The following RTCA variants were observed in gnomAD, a reference collection of about 807,000 sequenced individuals.
RTCA encodes the protein RNA terminal phosphate cyclase domain 1.
Under a neutral mutation model 46.1 loss-of-function variants are expected in RTCA, and 37 were observed. The ratio of observed to expected loss-of-function variants is 0.80; its 90% CI spans 0.62 to 1.06. The LOEUF (loss-of-function observed/expected upper bound fraction) is 1.06, where lower values mean the gene tolerates loss of function less well. Ranked by LOEUF, RTCA falls within the 50% of genes least tolerant of loss-of-function variation. RTCA has a pLI of 0.00. For missense variants in RTCA, 435 were observed against 455.5 expected (o/e 0.95, Z 0.41); for synonymous variants, 164 against 158.3 (o/e 1.04, Z -0.27).
intron 3 of RTCA, among the ~76,000 whole-genome samples, chr1:100,269,342 G>A (rs1266356182): frequency 6.7e-6 from 1 of 148,456 alleles, no homozygotes; most frequent in African/African-American, 2.5e-5. Context: ...AACTTCCCAT[G>A]TGAAATATTT....
At chr1:100,284,674 G>A (rs1361133448) in intron 8 of RTCA, among the ~76,000 whole-genome samples, 2 of 152,178 alleles carry the variant, frequency 1.3e-5, no homozygotes, top group South Asian at 4.1e-4. Flanking sequence ...GATTACAGGC[G>A]TGAGCCACCG....
Position 100,291,404 on chromosome 1 carries a change from C to T in RTCA, c.1001C>T (p.Ala334Val). 1 of 1,601,120 alleles carries T rather than the reference C, an allele frequency of 6.2e-7. No homozygotes were observed. ...TATATACTCCTCTTCTGATTTCAGG[C>T]TAAATTTATTGTGAAGAAATCAGAA... is the stretch of plus-strand genomic sequence containing the variant. Reference protein sequence around the residue: ...AIHFAEQIAKAKFIVKKSEDE... With the variant: ...AIHFAEQIAKVKFIVKKSEDE... Residue 334 changes from alanine to valine, a missense_variant and splice_region_variant, in exon 11 of 11, where the codon GCT (alanine) becomes GTT (valine). By Grantham distance (64) the Ala-to-Val change is moderately conservative (BLOSUM62 0). Transcript: ENST00000370128.
At chr1:100,280,428 A>G (rs1005446268) in intron 8 of RTCA, among the ~76,000 whole-genome samples, 26 of 152,300 alleles carry the variant, frequency 1.7e-4, no homozygotes, top group African/African-American at 6.3e-4. Flanking sequence ...TAGTTTTTGG[A>G]TAAAACACTT....
intron 4 of RTCA, among the ~76,000 whole-genome samples, chr1:100,271,338 ATGG>A (rs967326663): frequency 1.3e-5 from 2 of 152,030 alleles, no homozygotes; most frequent in Non-Finnish European, 2.9e-5. Flanking sequence ...TTAGCCAGGC[ATGG>A]TGGTGCACAC....
chr1:100,273,233 T>A (rs1570877543), intron 4 of RTCA, among the ~76,000 whole-genome samples, 161 bp from the exon 5 acceptor site: 2 of 152,210 alleles, frequency 1.3e-5, no homozygotes, highest in Non-Finnish European at 1.5e-5. Flanking sequence ...ACATATCAGT[T>A]TTTTTATTTG....
chr1:100,288,968 G>A (rs773722977), intron 10 of RTCA, among the ~76,000 whole-genome samples: 8 of 151,992 alleles, frequency 5.3e-5, no homozygotes, highest in Non-Finnish European at 8.8e-5. Context: ...GATTACAGGC[G>A]TGTGCCACCA....
chr1:100,275,550 C>A (rs1666322614), intron 6 of RTCA, 49 bp from the exon 7 acceptor site: 3 of 1,467,900 alleles, frequency 2.0e-6, no homozygotes, highest in Non-Finnish European at 2.8e-6. Context: ...AACAATTTTC[C>A]AAATAATCAG....
intron 2 of RTCA, chr1:100,267,165 G>C: frequency 7.3e-6 from 2 of 272,458 alleles, no homozygotes; most frequent in South Asian, 2.5e-4. Context: ...TGTCTGGGTA[G>C]CTGGGCATGC....
chr1:100,286,195 G>T (rs1450560428), intron 9 of RTCA, among the ~76,000 whole-genome samples: 1 of 152,082 alleles, frequency 6.6e-6, no homozygotes, highest in Non-Finnish European at 1.5e-5. Flanking sequence ...GCTCAAGCCT[G>T]TAATCCCAGC....
chr1:100,269,578 C>T (rs1177337567), intron 3 of RTCA, among the ~76,000 whole-genome samples: 1 of 152,104 alleles, frequency 6.6e-6, no homozygotes, highest in Non-Finnish European at 1.5e-5. Flanking sequence ...GAGTGATCAT[C>T]CCACCTCTGT....
chr1:100,284,066 A>G (rs1170447848), intron 8 of RTCA, among the ~76,000 whole-genome samples: 3 of 152,028 alleles, frequency 2.0e-5, no homozygotes, highest in Non-Finnish European at 4.4e-5. Context: ...ATAAAATAGA[A>G]ACAAAACTAA....
At chr1:100,286,306 T>C (rs1667022212) in intron 9 of RTCA, among the ~76,000 whole-genome samples, 1 of 151,610 alleles carries the variant, frequency 6.6e-6, no homozygotes, top group African/African-American at 2.4e-5. Flanking sequence ...TACAAAAAAT[T>C]AGCCGGGCGT....
rs1666446009 is a variant in RTCA at position 100,277,288 on chromosome 1, G to C, written c.771G>C (p.Leu257Phe). Residue 257 changes from leucine (L) to phenylalanine (F), a missense_variant, in exon 8 of 11, where the codon TTG becomes TTC. Physicochemically the swap from Leu to Phe is conservative, Grantham distance 22 (BLOSUM62 0). Coordinates refer to ENST00000370128, the MANE Select transcript of RTCA (RefSeq NM_003729.4). ...TTGCTGAGACCTCCACTGGCTGTTT[G>C]TTTGCTGGATCATCGCTTGGTAAAC... is the stretch of plus-strand genomic sequence containing the variant. ...IIIAETSTGCLFAGSSLGKRG... is the reference protein window; with the variant it reads ...IIIAETSTGCFFAGSSLGKRG... The C allele has an allele frequency of 4.3e-6, 7 of 1,612,340 alleles. No individual in the cohort carries two copies. Among genetic ancestry groups the C allele is most frequent in the Non-Finnish European group, 5.9e-6 (7 of 1,179,370 alleles).
chr1:100,275,768 T>C (rs1286877563), intron 7 of RTCA, 45 bp downstream of exon 7: 4 of 1,491,746 alleles, frequency 2.7e-6, no homozygotes, highest in Non-Finnish European at 2.7e-6. Context: ...AACCCTAAAA[T>C]AGTTATCTAA....
At position 100,268,280 on chromosome 1, in the gene RTCA, A is replaced by T. The variant is rs759214747; in HGVS notation, c.275A>T (p.Asp92Val). ...ATCAAAGGTGGAATCCACACAGCAGATACCAAGACAGCAGGGTATGTATCA... is the reference window on the plus strand; with the variant it reads ...ATCAAAGGTGGAATCCACACAGCAGTTACCAAGACAGCAGGGTATGTATCA... ...EKIKGGIHTA[D>V]TKTAGSVCLL... The change falls in exon 3 of 11, where the codon GAT becomes GTT. Residue 92 changes from aspartate to valine, a missense_variant. Transcript: ENST00000370128. The T allele has an allele frequency of 3.3e-5, 53 of 1,612,674 alleles. No homozygotes were observed. Among genetic ancestry groups the T allele is most frequent in the Non-Finnish European group, 3.4e-5 (40 of 1,179,262 alleles).
chr1:100,285,390 A>C (rs1666967116), intron 9 of RTCA, 68 bp downstream of exon 9: 1 of 1,031,998 alleles, frequency 9.7e-7, no homozygotes, highest in Non-Finnish European at 1.5e-6. Flanking sequence ...ATTGAATATC[A>C]ATTTAAATAA....
intron 8 of RTCA, among the ~76,000 whole-genome samples, chr1:100,278,956 A>G (rs1349739344): frequency 6.6e-6 from 1 of 152,232 alleles, no homozygotes; most frequent in Non-Finnish European, 1.5e-5. Flanking sequence ...CAAACTTTCC[A>G]GGTACTTTTA....
intron 9 of RTCA, among the ~76,000 whole-genome samples, chr1:100,286,435 G>T (rs1391551804): frequency 7.9e-6 from 1 of 125,834 alleles, no homozygotes; most frequent in Admixed American, 9.1e-5. Context: ...AGCCTGGGTG[G>T]CAGAGCAAGA....
At chr1:100,286,484 C>CAAAAAAA (rs150553498) in intron 9 of RTCA, among the ~76,000 whole-genome samples, 1 of 116,706 alleles carries the variant, frequency 8.6e-6, no homozygotes, top group Non-Finnish European at 1.8e-5. Flanking sequence ...AAACGAAAAA[C>CAAAAAAA]AAAAAAAACT....
Sources: allele counts gnomAD v4.1 joint callset (sites outside exome capture counted in the v4.1 genomes callset), GRCh38; gene constraint gnomAD v4.1.1; transcripts MANE v1.5; gene names NCBI Gene and HGNC (gene_info 2026-07-23, HGNC 2026-07-21).